Variants in SORCS3 observed in about 807,000 individuals in gnomAD.
The protein encoded by SORCS3 is VPS10 domain-containing receptor SorCS3.
Under a neutral mutation model 146.3 loss-of-function variants are expected in SORCS3, and 57 were observed. The observed-to-expected ratio is 0.39, with a 90% CI of 0.31 to 0.49. The LOEUF (loss-of-function observed/expected upper bound fraction) is 0.49. Among genes scored for constraint, SORCS3 ranks in the 20% least tolerant of loss-of-function variants. SORCS3 has a pLI of 0.92. For missense variants in SORCS3, 1,341 were observed against 1,575.5 expected (o/e 0.85, Z 2.52); for synonymous variants, 653 against 618.5 (o/e 1.06, Z -0.83).
At chr10:105,082,149 G>C (rs1459576761) in intron 5 of SORCS3, among the ~76,000 whole-genome samples, 1 of 152,202 alleles carries the variant, frequency 6.6e-6, no homozygotes, top group African/African-American at 2.4e-5. Flanking sequence ...TTTCAACTCA[G>C]TACAAAGATT....
intron 5 of SORCS3, among the ~76,000 whole-genome samples, chr10:105,063,678 C>A (rs568904907): frequency 2.7e-4 from 41 of 152,266 alleles, no homozygotes; most frequent in African/African-American, 9.9e-4. Flanking sequence ...TTGGGCCTTG[C>A]AAGGTATTTC....
At chr10:105,145,900 G>T (rs927691991) in intron 8 of SORCS3, among the ~76,000 whole-genome samples, 6 of 96,090 alleles carry the variant, frequency 6.2e-5, no homozygotes, top group Non-Finnish European at 1.4e-4. Context: ...AAATCAAATG[G>T]GTTTACTCCT....
At chr10:104,860,167 C>A (rs61867307) in intron 2 of SORCS3, among the ~76,000 whole-genome samples, 1 of 93,480 alleles carries the variant, frequency 1.1e-5, no homozygotes, top group Non-Finnish European at 2.2e-5. Context: ...TTGGAACCAA[C>A]CCAAATGTCC....
At chr10:104,845,218 G>C (rs912920839) in intron 2 of SORCS3, among the ~76,000 whole-genome samples, 2 of 151,662 alleles carry the variant, frequency 1.3e-5, no homozygotes, top group Non-Finnish European at 2.9e-5. Context: ...TTTTTTTCTT[G>C]GTCCTTATCA....
intron 21 of SORCS3, 32 bp from the exon 22 acceptor site, chr10:105,247,187 C>G (rs1200496898): frequency 1.5e-6 from 2 of 1,315,288 alleles, no homozygotes; most frequent in Non-Finnish European, 2.2e-6. Context: ...CTCACTCTCC[C>G]AGCCTCACTT....
intron 1 of SORCS3, among the ~76,000 whole-genome samples, chr10:104,757,425 CA>C (rs1292874378): frequency 6.6e-6 from 1 of 152,188 alleles, no homozygotes; most frequent in Non-Finnish European, 1.5e-5. Context: ...CAATGCAAGG[CA>C]AGGGATACTT....
chr10:105,169,317 G>T (rs1364759120), intron 13 of SORCS3, among the ~76,000 whole-genome samples: 12 of 152,106 alleles, frequency 7.9e-5, no homozygotes, highest in Admixed American at 7.9e-4. Context: ...TCAAGATAAG[G>T]TGTTTAGGCA....
At chr10:105,224,520 G>A (rs1489093491) in intron 20 of SORCS3, among the ~76,000 whole-genome samples, 1 of 152,052 alleles carries the variant, frequency 6.6e-6, no homozygotes, top group African/African-American at 2.4e-5. Flanking sequence ...TCTAAGTTTT[G>A]GCAATAATGA....
chr10:104,658,144 G>A (rs1342781096), intron 1 of SORCS3, among the ~76,000 whole-genome samples: 3 of 152,168 alleles, frequency 2.0e-5, no homozygotes. Context: ...AAATGGGGTA[G>A]GGCAGTGTTA....
At chr10:105,257,411 C>T (rs7082297) in intron 25 of SORCS3, among the ~76,000 whole-genome samples, 13,421 of 152,190 alleles carry the variant, frequency 0.088, 712 homozygotes, top group Middle Eastern at 0.22. Context: ...TATTCAACTA[C>T]CATCCCTCTC....
chr10:105,119,646 G>GT (rs1336495362), intron 7 of SORCS3, among the ~76,000 whole-genome samples: 6 of 152,192 alleles, frequency 3.9e-5, no homozygotes, highest in Admixed American at 3.9e-4. Context: ...TGATCTGCAT[G>GT]TGAGACATGG....
rs550632342 is a variant in SORCS3, at chr10:105,178,169, A to G, written c.2005A>G (p.Met669Val). ...LVEAGMETHI[M>V]TVFGHFSLRS... ...GGAGGCAGGAATGGAGACCCACATC[A>G]TGACGTGAGTACTTCTTTTGCTGTG... Residue 669 changes from methionine (M) to valine (V), a missense_variant, in exon 14 of 27, where the codon ATG (methionine) becomes GTG (valine). By Grantham distance (21) the Met-to-Val change is conservative (BLOSUM62 1). Transcript: ENST00000369701. 43 of 1,609,616 alleles carry G rather than the reference A, an allele frequency of 2.7e-5. No individual in the cohort carries two copies. Among genetic ancestry groups the G allele is most frequent in the South Asian group, 2.4e-4 (22 of 90,764 alleles).
intron 4 of SORCS3, among the ~76,000 whole-genome samples, chr10:105,032,003 A>G (rs1253870541): frequency 1.3e-5 from 2 of 151,656 alleles, no homozygotes; most frequent in South Asian, 4.2e-4. Flanking sequence ...GACCAGCCTG[A>G]CCAACATGGA....
rs567882514 is a variant in SORCS3 at position 104,913,564 on chromosome 10, C to T, written c.696-2269C>T. On this transcript the variant is annotated intron_variant, in intron 2 of 26. Coordinates refer to ENST00000369701, the MANE Select transcript of SORCS3 (RefSeq NM_014978.3). ...TTTGAAATATTGATATTTGTTTATT[C>T]AGTAAACGTGAAACGTGCTGAGTGT... is the stretch of plus-strand genomic sequence containing the variant. Among the ~76,000 whole-genome samples, 444 of 152,234 alleles carry T rather than the reference C, an allele frequency of 2.9e-3. 1 individual carries two copies. The highest frequency in any genetic ancestry group is 0.018 in the South Asian group (88 of 4,816).
At chr10:104,819,078 A>G (rs967150607) in intron 1 of SORCS3, among the ~76,000 whole-genome samples, 1 of 152,118 alleles carries the variant, frequency 6.6e-6, no homozygotes, top group Non-Finnish European at 1.5e-5. Flanking sequence ...ATTGGAGAAA[A>G]GGCCAGGGGG....
intron 1 of SORCS3, among the ~76,000 whole-genome samples, chr10:104,814,507 G>A (rs1340564801): frequency 2.0e-5 from 3 of 151,930 alleles, no homozygotes; most frequent in East Asian, 1.9e-4. Flanking sequence ...CCTATCTCCC[G>A]CCAATGCATG....
At chr10:104,736,785 TTTA>T (rs1564671700) in intron 1 of SORCS3, among the ~76,000 whole-genome samples, 2 of 145,868 alleles carry the variant, frequency 1.4e-5, no homozygotes, top group African/African-American at 2.6e-5. Flanking sequence ...TTTTTTTTTT[TTTA>T]TTATTATTAT....
intron 4 of SORCS3, among the ~76,000 whole-genome samples, chr10:104,988,527 C>T (rs761392873): frequency 3.9e-5 from 6 of 152,046 alleles, no homozygotes; most frequent in Non-Finnish European, 8.8e-5. Context: ...GGATTTTGTC[C>T]AGTTTTGTTC....
intron 1 of SORCS3, among the ~76,000 whole-genome samples, chr10:104,729,293 A>G (rs552348271): frequency 5.0e-4 from 76 of 152,162 alleles, no homozygotes; most frequent in Non-Finnish European, 1.0e-3. Context: ...TCTCTAGATT[A>G]CCCCAGGCTC....
Sources: gnomAD v4.1 joint callset for allele counts (sites outside exome capture counted in the v4.1 genomes callset) on GRCh38, gnomAD v4.1.1 for gene constraint, MANE v1.5 for transcripts, NCBI Gene and HGNC (gene_info 2026-07-23, HGNC 2026-07-21) for gene names.